ABCC8: variants seen among roughly 807,000 people sequenced by gnomAD.
ABCC8 encodes ATP-binding cassette sub-family C member 8.
Under a neutral mutation model 188.0 loss-of-function variants are expected in ABCC8, and 137 were observed. The observed-to-expected ratio is 0.73, with a 90% CI of 0.63 to 0.84. The LOEUF (loss-of-function observed/expected upper bound fraction) is 0.84. Among genes scored for constraint, ABCC8 ranks in the 40% least tolerant of loss-of-function variants. The pLI, the probability that ABCC8 is intolerant of heterozygous loss-of-function variation, is 0.00. For missense variants in ABCC8, 1,750 were observed against 2,072.7 expected, an observed-to-expected ratio of 0.84 and a Z score of 3.02; for synonymous variants, 797 against 846.5, an observed-to-expected ratio of 0.94 and a Z score of 1.01.
intron 16 of ABCC8, chr11:17,417,177 T>A: frequency 1.5e-6 from 1 of 660,122 alleles, no homozygotes; most frequent in Non-Finnish European, 1.9e-6. Flanking sequence ...TAGCATGTGC[T>A]AAATCAGCGT....
chr11:17,410,503 T>G lies in ABCC8; in HGVS notation c.2694+13A>C. On this transcript the variant is annotated intron_variant, in intron 22 of 38. Coordinates refer to ENST00000389817, the MANE Select transcript of ABCC8 (RefSeq NM_000352.6). ...CCTGCCCCCTATAGCCTGACCCCCT[T>G]GTTCCCCCTCACCCAGTCTGCATGG... 6.2e-7 allele frequency: 1 copy of G among 1,614,096 alleles called. No homozygotes were observed. Among genetic ancestry groups the G allele is most frequent in the Non-Finnish European group, 8.5e-7 (1 of 1,179,980 alleles).
intron 16 of ABCC8, among the ~76,000 whole-genome samples, chr11:17,417,646 T>C (rs1392869940): frequency 5.9e-5 from 9 of 152,100 alleles, no homozygotes; most frequent in Non-Finnish European, 1.0e-4. Context: ...GACATGAACA[T>C]TTGGGGGAAA....
chr11:17,428,438 G>T, intron 13 of ABCC8, 33 bp from the exon 14 acceptor site: 1 of 1,608,472 alleles, frequency 6.2e-7, no homozygotes, highest in Non-Finnish European at 8.5e-7. Context: ...GACCCACTGG[G>T]CTGGGAGCTG....
intron 3 of ABCC8, among the ~76,000 whole-genome samples, chr11:17,469,300 T>C (rs963790560): frequency 6.6e-6 from 1 of 151,488 alleles, no homozygotes; most frequent in African/African-American, 2.4e-5. Flanking sequence ...TCCATGTTGG[T>C]CAGGCTGGTC....
chr11:17,393,000 T>C lies in ABCC8; in HGVS notation c.4737A>G (p.Ala1579=). 6.2e-7 allele frequency: 1 copy of C among 1,614,142 alleles called. No individual in the cohort carries two copies. Reference sequence around the variant, plus strand: ...CTTGGGCTCTGGCAGGTCACTTGTCTGCACGGACGAAGGAGGCGAAGACGC... The same window carrying C: ...CTTGGGCTCTGGCAGGTCACTTGTCCGCACGGACGAAGGAGGCGAAGACGC... ...KDSVFASFVR[A]DK is the part of the protein sequence containing the mutation. Residue 1579 remains alanine, a synonymous_variant, in exon 39 of 39, where the codon GCA becomes GCG. Coordinates refer to ENST00000389817, the MANE Select transcript of ABCC8 (RefSeq NM_000352.6).
chr11:17,467,085 C>CACA (rs1554945177), intron 3 of ABCC8, among the ~76,000 whole-genome samples: 3 of 150,680 alleles, frequency 2.0e-5, no homozygotes, highest in Non-Finnish European at 4.4e-5. Context: ...CACACACACA[C>CACA]AACTTCCCAT....
intron 18 of ABCC8, among the ~76,000 whole-genome samples, chr11:17,415,020 TA>T (rs140565310): frequency 4.3e-4 from 64 of 150,532 alleles, no homozygotes; most frequent in African/African-American, 1.1e-3. Flanking sequence ...TTTTTTTTTT[TA>T]AAAGCAGAGC....
chr11:17,398,814 C>G (rs1460376896), intron 29 of ABCC8, among the ~76,000 whole-genome samples: 1 of 152,186 alleles, frequency 6.6e-6, no homozygotes, highest in Admixed American at 6.5e-5. Context: ...CTCCCTCCCC[C>G]TCTATCCTGC....
intron 3 of ABCC8, among the ~76,000 whole-genome samples, chr11:17,469,564 C>A (rs1277542694): frequency 6.6e-6 from 1 of 152,040 alleles, no homozygotes; most frequent in Non-Finnish European, 1.5e-5. Context: ...CCCACCTCCC[C>A]CTCCTCTGTC....
chr11:17,395,860 G>T lies in ABCC8; in HGVS notation c.4190C>A (p.Thr1397Lys), dbSNP rs780718623. The T allele has an allele frequency of 6.3e-7, 1 of 1,582,756 alleles. No homozygotes were observed. Among genetic ancestry groups the T allele is most frequent in the Middle Eastern group, 1.7e-4 (1 of 6,030 alleles). The change falls in exon 34 of 39, where the codon ACG becomes AAG. Residue 1397 changes from threonine (T) to lysine (K), a missense_variant. By Grantham distance (78) the Thr-to-Lys change is moderately conservative. Transcript: ENST00000389817. The part of the protein sequence containing the change: ...FSLAFFRMVD[T>K]FEGHIIIDGI... ...CCCGCCTTACAACTCACCTTCGAACGTGTCCACCATGCGGAAGAAGGCAAG... is the reference window on the plus strand; with the variant it reads ...CCCGCCTTACAACTCACCTTCGAACTTGTCCACCATGCGGAAGAAGGCAAG...
chr11:17,396,773 G>A, intron 33 of ABCC8, 143 bp downstream of exon 33: 1 of 1,075,560 alleles, frequency 9.3e-7, no homozygotes, highest in Admixed American at 2.1e-5. Flanking sequence ...CACAGGCCCA[G>A]GGCAGGAGAC....
At chr11:17,413,934 A>G (rs1029177242) in intron 19 of ABCC8, among the ~76,000 whole-genome samples, 1 of 152,140 alleles carries the variant, frequency 6.6e-6, no homozygotes, top group African/African-American at 2.4e-5. Context: ...GAGGCATCAG[A>G]GTATGTTGGT....
At chr11:17,450,391 CTT>C (rs1956758859) in intron 7 of ABCC8, among the ~76,000 whole-genome samples, 2 of 75,434 alleles carry the variant, frequency 2.7e-5, no homozygotes, top group African/African-American at 4.6e-5. Context: ...CTTTCCTTTC[CTT>C]CTTTCTTTCC....
intron 16 of ABCC8, among the ~76,000 whole-genome samples, chr11:17,423,915 TG>T (rs1246070160): frequency 1.3e-5 from 2 of 152,230 alleles, no homozygotes; most frequent in African/African-American, 4.8e-5. Context: ...ATTTAACAGC[TG>T]GGTGGCCTTG....
At position 17,427,070 on chromosome 11, in the gene ABCC8, G is replaced by C. The variant is rs753971588; in HGVS notation, c.2201C>G (p.Ser734Ter). 6.2e-7 allele frequency: 1 copy of C among 1,614,012 alleles called. No individual in the cohort carries two copies. The highest frequency in any genetic ancestry group is 8.5e-7 in the Non-Finnish European group (1 of 1,179,972). The change falls in exon 16 of 39, where the codon TCA becomes TGA. Residue 734 changes from serine (S) to a stop codon, truncating the protein, a stop_gained. Transcript: ENST00000389817. LOFTEE classifies it high-confidence loss of function. This position sits in a 1 kb window ranked among gnomAD's most constrained non-coding sequence, Gnocchi z 5.0. ...LAALGEMQKV[S>*]GAVFWSSLPD... is the part of the protein sequence containing the mutation. ...TTACCTGCTCCAGAAGACAGCCCCT[G>C]AGACCTTCTGCATCTCCCCCAGTGC...
chr11:17,422,824 T>G (rs1955405492), intron 16 of ABCC8, among the ~76,000 whole-genome samples: 1 of 152,184 alleles, frequency 6.6e-6, no homozygotes, highest in Non-Finnish European at 1.5e-5. Flanking sequence ...ATGCACCCCA[T>G]GCATCCAGTG....
chr11:17,457,136 G>A (rs1957024361), intron 6 of ABCC8, among the ~76,000 whole-genome samples: 1 of 152,150 alleles, frequency 6.6e-6, no homozygotes, highest in South Asian at 2.1e-4. Flanking sequence ...CAGCTGCATG[G>A]ACATGGTTAT....
chr11:17,442,351 C>A (rs1040683918), intron 10 of ABCC8, among the ~76,000 whole-genome samples: 1 of 152,198 alleles, frequency 6.6e-6, no homozygotes, highest in Admixed American at 6.5e-5. Flanking sequence ...GTCTGACTTA[C>A]TAAAAAGTCT....
chr11:17,457,324 AAC>A (rs1487398483), intron 6 of ABCC8, among the ~76,000 whole-genome samples: 1 of 152,160 alleles, frequency 6.6e-6, no homozygotes, highest in African/African-American at 2.4e-5. Context: ...GGACAAACAG[AAC>A]ACACATATAG....
Sources: allele counts gnomAD v4.1 joint callset (sites outside exome capture counted in the v4.1 genomes callset), GRCh38; gene constraint gnomAD v4.1.1; non-coding constraint Gnocchi (gnomAD v3.1); transcripts MANE v1.5; gene names NCBI Gene and HGNC (gene_info 2026-07-23, HGNC 2026-07-21).